The following APBB1IP variants were observed in gnomAD, a reference collection of about 807,000 sequenced individuals.
APBB1IP encodes the protein amyloid beta precursor protein binding family B member 1 interacting protein, also known as amyloid beta A4 precursor protein-binding family B member 1-interacting protein.
In APBB1IP, 27 loss-of-function variants were observed where a neutral mutation model predicts 64.9. That is an observed-to-expected ratio of 0.42 (90% CI 0.31 to 0.57). The LOEUF (loss-of-function observed/expected upper bound fraction) is 0.57. APBB1IP is among the 20% of genes least tolerant of loss of function. The pLI is 0.20. For synonymous variants in APBB1IP, 392 were observed against 331.0 expected (o/e 1.18, Z -2.00); for missense variants, 812 against 845.5 (o/e 0.96, Z 0.49).
Position 26,478,369 on chromosome 10 carries a change from G to A in APBB1IP, c.1-13958G>A, listed in dbSNP as rs1835799322. 2.0e-5 allele frequency among the ~76,000 whole-genome samples: 3 copies of A among 152,174 alleles called. 1 individual carries two copies. In the South Asian group the frequency reaches 6.2e-4, roughly 31 times the overall value. On this transcript the variant is annotated intron_variant, in intron 2 of 14. Transcript: ENST00000376236. Reference sequence around the variant, plus strand: ...CGGGAGGATGGAGGCGGTTGAGAAGGTAGCTGAATGTGTGAATTAGAAGGA... The same window carrying A: ...CGGGAGGATGGAGGCGGTTGAGAAGATAGCTGAATGTGTGAATTAGAAGGA...
chr10:26,560,029 TA>T, intron 11 of APBB1IP, 75 bp from the exon 12 acceptor site: 1 of 1,257,052 alleles, frequency 8.0e-7, no homozygotes, highest in Non-Finnish European at 1.2e-6. Flanking sequence ...AGATTTTTTT[TA>T]AATTTCCTGA....
At chr10:26,473,180 A>G (rs1266144072) in intron 2 of APBB1IP, among the ~76,000 whole-genome samples, 1 of 152,150 alleles carries the variant, frequency 6.6e-6, no homozygotes, top group Admixed American at 6.5e-5. Flanking sequence ...AATGTCATGA[A>G]TGTTTCTATA....
intron 14 of APBB1IP, 120 bp downstream of exon 14, chr10:26,562,549 C>A: frequency 1.3e-6 from 1 of 782,064 alleles, no homozygotes; most frequent in Non-Finnish European, 2.1e-6. Flanking sequence ...CCTGTAATCC[C>A]AGAACTTTGG....
chr10:26,497,211 GT>G (rs1836036431), intron 4 of APBB1IP, among the ~76,000 whole-genome samples: 1 of 151,700 alleles, frequency 6.6e-6, no homozygotes, highest in African/African-American at 2.4e-5. Flanking sequence ...CAAAAACTCT[GT>G]TTATTTAAAT....
intron 10 of APBB1IP, 88 bp downstream of exon 10, chr10:26,536,305 A>G: frequency 2.9e-6 from 4 of 1,376,628 alleles, no homozygotes; most frequent in Non-Finnish European, 3.9e-6. Context: ...AGTTAAATAC[A>G]TTCTCTGTTG....
At chr10:26,508,858 T>C (rs562399099) in intron 6 of APBB1IP, among the ~76,000 whole-genome samples, 2 of 152,344 alleles carry the variant, frequency 1.3e-5, no homozygotes, top group African/African-American at 4.8e-5. Flanking sequence ...TGCCAAATTA[T>C]GTGGTTTAGT....
chr10:26,476,145 G>A (rs1025122176), intron 2 of APBB1IP, among the ~76,000 whole-genome samples: 5 of 150,616 alleles, frequency 3.3e-5, no homozygotes, highest in African/African-American at 4.9e-5. Context: ...GGCAACCTCC[G>A]CCTCCCGGGT....
At chr10:26,509,513 G>A (rs1207813791) in intron 6 of APBB1IP, 1 of 152,210 alleles carries the variant, frequency 6.6e-6, no homozygotes, top group Non-Finnish European at 1.5e-5. Context: ...ATTGCTATCA[G>A]TAACTCTGCA....
At chr10:26,457,240 G>A (rs1012872505) in intron 2 of APBB1IP, among the ~76,000 whole-genome samples, 1 of 152,130 alleles carries the variant, frequency 6.6e-6, no homozygotes, top group Non-Finnish European at 1.5e-5. Flanking sequence ...CCTTTCTCTG[G>A]TCTGCTTTTT....
intron 8 of APBB1IP, among the ~76,000 whole-genome samples, chr10:26,531,541 C>T (rs969274847): frequency 6.6e-6 from 1 of 151,968 alleles, no homozygotes; most frequent in Non-Finnish European, 1.5e-5. Flanking sequence ...ATGGCGGGCG[C>T]CTGTAGTCCC....
At chr10:26,500,603 C>G (rs1478569894) in intron 4 of APBB1IP, among the ~76,000 whole-genome samples, 1 of 152,176 alleles carries the variant, frequency 6.6e-6, no homozygotes, top group Non-Finnish European at 1.5e-5. Flanking sequence ...GTGTTAGAAA[C>G]TCAGTCGGAT....
chr10:26,562,243 A>G, intron 13 of APBB1IP, 83 bp from the exon 14 acceptor site: 3 of 1,059,436 alleles, frequency 2.8e-6, no homozygotes, highest in Non-Finnish European at 2.9e-6. Flanking sequence ...TAGAGATGCA[A>G]ACTGCTTTGT....
At chr10:26,467,430 G>T (rs1407648072) in intron 2 of APBB1IP, among the ~76,000 whole-genome samples, 1 of 152,146 alleles carries the variant, frequency 6.6e-6, no homozygotes, top group African/African-American at 2.4e-5. Flanking sequence ...CATATGGAAA[G>T]CTTGCTAAAC....
intron 11 of APBB1IP, among the ~76,000 whole-genome samples, chr10:26,559,046 T>A (rs1302819204): frequency 6.6e-6 from 1 of 152,186 alleles, no homozygotes; most frequent in Non-Finnish European, 1.5e-5. Flanking sequence ...AAACTCTGAA[T>A]TTTTGGAAGC....
chr10:26,508,709 C>A (rs142850269), intron 6 of APBB1IP, among the ~76,000 whole-genome samples: 14 of 152,162 alleles, frequency 9.2e-5, no homozygotes, highest in African/African-American at 3.1e-4. Flanking sequence ...AATATAATTT[C>A]TTCTTGCTAA....
Position 26,539,486 on chromosome 10 carries a change from GGGAA to G in APBB1IP, c.1045-2082_1045-2079del, listed in dbSNP as rs1431849051. 7.3e-5 allele frequency among the ~76,000 whole-genome samples: 11 copies of G among 151,086 alleles called. No individual in the cohort carries two copies. In the East Asian group the frequency reaches 7.8e-4, roughly 11 times the overall value. On this transcript the variant is annotated intron_variant, in intron 10 of 14. Coordinates refer to ENST00000376236, the MANE Select transcript of APBB1IP (RefSeq NM_019043.4). ...AGAAAGGAAGAAAGGGAGGAAGGGA[GGGAA>G]GGAAGGAAGGAAGAAAGGGAGAAAA...
Position 26,567,422 on chromosome 10 carries a change from C to A in APBB1IP, c.1935C>A (p.Gly645=). 6.2e-7 allele frequency: 1 copy of A among 1,606,240 alleles called. No homozygotes were observed. Among genetic ancestry groups the A allele is most frequent in the Non-Finnish European group, 8.5e-7 (1 of 1,175,010 alleles). The change falls in exon 15 of 15, where the codon GGC becomes GGA. Residue 645 remains glycine (G), a synonymous_variant. Transcript: ENST00000376236. ...ENPGHPGGAG[G]GEQDFMSDLM... is the part of the protein sequence containing the mutation. ...CAGGGCACCCCGGCGGAGCAGGAGG[C>A]GGGGAGCAAGATTTCATGTCAGACC...
intron 12 of APBB1IP, among the ~76,000 whole-genome samples, 190 bp downstream of exon 12, chr10:26,560,393 G>A (rs537770831): frequency 1.3e-5 from 2 of 152,200 alleles, no homozygotes; most frequent in South Asian, 4.2e-4. Context: ...TCCAGTAACC[G>A]GATATTTACT....
chr10:26,533,382 C>A, intron 8 of APBB1IP, 57 bp from the exon 9 acceptor site: 1 of 1,019,966 alleles, frequency 9.8e-7, no homozygotes, highest in Non-Finnish European at 1.4e-6. Context: ...GAGTTCCTTG[C>A]AGAGTCTAGT....
Sources: allele counts gnomAD v4.1 joint callset (sites outside exome capture counted in the v4.1 genomes callset), GRCh38; gene constraint gnomAD v4.1.1; transcripts MANE v1.5; gene names NCBI Gene and HGNC (gene_info 2026-07-23, HGNC 2026-07-21).